The following MPP7 variants were observed in gnomAD, a reference collection of about 807,000 sequenced individuals.
MPP7 encodes the protein MAGUK p55 scaffold protein 7, also known as MAGUK p55 subfamily member 7.
A neutral mutation model predicts 76.5 loss-of-function variants in MPP7; 60 were observed. The ratio of observed to expected loss-of-function variants is 0.78; its 90% CI spans 0.64 to 0.97. The LOEUF (loss-of-function observed/expected upper bound fraction) is 0.97. Ranked by LOEUF, MPP7 falls within the 50% of genes least tolerant of loss-of-function variation. The pLI is 0.00. For synonymous variants in MPP7, 237 were observed against 244.5 expected, an observed-to-expected ratio of 0.97 and a Z score of 0.29; for missense variants, 641 against 694.0, an observed-to-expected ratio of 0.92 and a Z score of 0.86.
At chr10:28,163,781 C>T (rs1307165072) in intron 3 of MPP7, among the ~76,000 whole-genome samples, 1 of 151,850 alleles carries the variant, frequency 6.6e-6, no homozygotes, top group African/African-American at 2.4e-5. Flanking sequence ...AACCCCGTCT[C>T]TACTAAAAAT....
At chr10:28,289,098 G>T (rs372300142) in intron 1 of MPP7, among the ~76,000 whole-genome samples, 190 of 152,170 alleles carry the variant, frequency 1.2e-3, no homozygotes, top group African/African-American at 4.4e-3. Flanking sequence ...TCAGGAGTTC[G>T]AGACCAGCCT....
chr10:28,331,262 T>G (rs967194332), intron 1 of MPP7, among the ~76,000 whole-genome samples: 1 of 152,158 alleles, frequency 6.6e-6, no homozygotes, highest in African/African-American at 2.4e-5. Context: ...TGCCTTCAAT[T>G]AACTTCCTTC....
rs1851367506 is a variant in MPP7, at chr10:28,051,747, C to T, written c.*2318G>A. The T allele has an allele frequency of 6.6e-6, 1 of 152,024 alleles. No individual in the cohort carries two copies. The highest frequency in any genetic ancestry group is 1.5e-5 in the Non-Finnish European group (1 of 68,020). 9.4% of individuals were successfully genotyped at this position (152,024 alleles called of 1,614,324 possible). A position where few individuals can be genotyped will look rare whatever the true frequency, so the allele number is the denominator to read the frequency against. On this transcript the variant is annotated 3_prime_UTR_variant, in exon 17 of 17. Coordinates refer to ENST00000683449, the MANE Select transcript of MPP7 (RefSeq NM_001318170.2). ...AAGCATCAAGATGGCCATGTAAACA[C>T]TGTTTTTAAGACCACGTCTACCGGC...
At chr10:28,104,985 A>G (rs996651165) in intron 11 of MPP7, among the ~76,000 whole-genome samples, 3 of 151,928 alleles carry the variant, frequency 2.0e-5, no homozygotes, top group Non-Finnish European at 4.4e-5. Context: ...AAATGAAGCT[A>G]TTTTTTCTAA....
At chr10:28,164,344 T>G (rs1307535745) in intron 3 of MPP7, among the ~76,000 whole-genome samples, 1 of 151,830 alleles carries the variant, frequency 6.6e-6, no homozygotes, top group African/African-American at 2.4e-5. Context: ...GAGCTCACCA[T>G]GAGGTAAAAT....
intron 3 of MPP7, among the ~76,000 whole-genome samples, chr10:28,155,645 C>G (rs1204293716): frequency 8.5e-6 from 1 of 117,312 alleles, no homozygotes; most frequent in Admixed American, 8.5e-5. Flanking sequence ...GAATAGGAGA[C>G]CCTTGGGCCA....
intron 5 of MPP7, among the ~76,000 whole-genome samples, chr10:28,140,923 A>G (rs1224118769): frequency 2.6e-5 from 4 of 152,172 alleles, no homozygotes; most frequent in Non-Finnish European, 5.9e-5. Flanking sequence ...TTCTTTTTCA[A>G]AGGTCTCACA....
intron 12 of MPP7, among the ~76,000 whole-genome samples, chr10:28,088,303 T>C (rs1356738349): frequency 6.6e-6 from 1 of 152,190 alleles, no homozygotes; most frequent in Non-Finnish European, 1.5e-5. Context: ...CCAAGTCTCA[T>C]GTTGAACTGT....
chr10:28,225,356 A>G (rs1838654738), intron 2 of MPP7, among the ~76,000 whole-genome samples: 1 of 152,222 alleles, frequency 6.6e-6, no homozygotes, highest in Admixed American at 6.5e-5. Flanking sequence ...TTGTCCATCA[A>G]AGGACATTAT....
chr10:28,071,914 C>G (rs1049532803), intron 12 of MPP7, among the ~76,000 whole-genome samples: 1 of 152,140 alleles, frequency 6.6e-6, no homozygotes, highest in East Asian at 1.9e-4. Context: ...AAGGAAACAA[C>G]TAAGGATAGC....
chr10:28,146,763 C>T (rs1419627482), intron 5 of MPP7, among the ~76,000 whole-genome samples: 1 of 152,152 alleles, frequency 6.6e-6, no homozygotes, highest in East Asian at 1.9e-4. Context: ...AATTATGTAA[C>T]CTATATGTAA....
chr10:28,141,643 C>A (rs78131314), intron 5 of MPP7, among the ~76,000 whole-genome samples: 2 of 151,938 alleles, frequency 1.3e-5, no homozygotes, highest in Admixed American at 6.6e-5. Context: ...GGCACACACG[C>A]GTACACATCA....
At chr10:28,141,827 T>C (rs1291074948) in intron 5 of MPP7, among the ~76,000 whole-genome samples, 6 of 152,086 alleles carry the variant, frequency 3.9e-5, no homozygotes, top group Admixed American at 2.0e-4. Flanking sequence ...GCAAGAATAA[T>C]GATAGGAATT....
At chr10:28,144,086 A>T (rs541748650) in intron 5 of MPP7, among the ~76,000 whole-genome samples, 1 of 152,150 alleles carries the variant, frequency 6.6e-6, no homozygotes, top group East Asian at 1.9e-4. Context: ...ATGGGGTTTC[A>T]CCATGTTGGC....
intron 1 of MPP7, among the ~76,000 whole-genome samples, chr10:28,253,593 A>G (rs1319311892): frequency 6.6e-6 from 1 of 152,204 alleles, no homozygotes; most frequent in Admixed American, 6.5e-5. Flanking sequence ...GATAGGTCCT[A>G]TGTAGATTCG....
chr10:28,087,545 G>A (rs1448738272), intron 12 of MPP7, among the ~76,000 whole-genome samples: 2 of 152,070 alleles, frequency 1.3e-5, no homozygotes, highest in Non-Finnish European at 2.9e-5. Flanking sequence ...ACAGGCGCCT[G>A]CCACTACACC....
At chr10:28,142,739 A>T (rs1485063066) in intron 5 of MPP7, among the ~76,000 whole-genome samples, 1 of 152,192 alleles carries the variant, frequency 6.6e-6, no homozygotes, top group Non-Finnish European at 1.5e-5. Context: ...TCAAAAAAAG[A>T]GAAAGAATAT....
At chr10:28,220,373 T>C (rs1193699137) in intron 2 of MPP7, among the ~76,000 whole-genome samples, 3 of 152,138 alleles carry the variant, frequency 2.0e-5, no homozygotes, top group Non-Finnish European at 4.4e-5. Context: ...ATAACCATCC[T>C]TTCCAAAAAT....
intron 3 of MPP7, among the ~76,000 whole-genome samples, chr10:28,193,855 T>C (rs911800903): frequency 6.9e-6 from 1 of 144,994 alleles, no homozygotes; most frequent in Non-Finnish European, 1.5e-5. Flanking sequence ...GATACTACTA[T>C]ACACCAACTA....
Sources: allele counts gnomAD v4.1 joint callset (sites outside exome capture counted in the v4.1 genomes callset), GRCh38; gene constraint gnomAD v4.1.1; transcripts MANE v1.5; gene names NCBI Gene and HGNC (gene_info 2026-07-23, HGNC 2026-07-21).